The following CREBBP variants were observed in gnomAD, a reference collection of about 807,000 sequenced individuals.
CREBBP encodes CREB-binding protein.
In CREBBP, 19 loss-of-function variants were observed where a neutral mutation model predicts 265.0. The ratio of observed to expected loss-of-function variants is 0.07; its 90% CI spans 0.05 to 0.11. The LOEUF is 0.11. Ranked by LOEUF, CREBBP falls within the 10% of genes least tolerant of loss-of-function variation. The probability of loss-of-function intolerance (pLI) is 1.00; values close to 1 mark genes in which losing one functional copy is unlikely to be tolerated. For missense variants in CREBBP, 2,525 were observed against 3,219.0 expected, an observed-to-expected ratio of 0.78 and a Z score of 5.22; for synonymous variants, 1,457 against 1,223.7, an observed-to-expected ratio of 1.19 and a Z score of -3.98.
intron 2 of CREBBP, among the ~76,000 whole-genome samples, chr16:3,815,245 A>G (rs562328618): frequency 1.3e-5 from 2 of 152,108 alleles, no homozygotes; most frequent in Non-Finnish European, 2.9e-5. Context: ...CCCAACAGGT[A>G]CTTGATAATA....
intron 23 of CREBBP, among the ~76,000 whole-genome samples, chr16:3,744,064 G>A (rs1284725558): frequency 1.3e-5 from 2 of 152,074 alleles, no homozygotes; most frequent in East Asian, 3.9e-4. Context: ...GACAGAGCGA[G>A]AATGTCTCAA....
At chr16:3,804,899 T>G (rs1034017412) in intron 3 of CREBBP, among the ~76,000 whole-genome samples, 3 of 152,264 alleles carry the variant, frequency 2.0e-5, no homozygotes, top group African/African-American at 7.2e-5. Flanking sequence ...GAAAAGATAC[T>G]GCTGGTTAAT....
intron 20 of CREBBP, among the ~76,000 whole-genome samples, chr16:3,751,453 A>T (rs1368204870): frequency 6.6e-6 from 1 of 152,128 alleles, no homozygotes; most frequent in South Asian, 2.1e-4. Flanking sequence ...TTAGCTGGGT[A>T]TGGTGGCGTG....
chr16:3,797,761 T>C (rs557306705), intron 3 of CREBBP, among the ~76,000 whole-genome samples: 2 of 152,000 alleles, frequency 1.3e-5, no homozygotes, highest in South Asian at 4.2e-4. Context: ...TTGATCCTTA[T>C]CTTCCCTTTT....
chr16:3,785,928 C>G (rs115252502), intron 5 of CREBBP, among the ~76,000 whole-genome samples: 8 of 152,212 alleles, frequency 5.3e-5, no homozygotes, highest in Non-Finnish European at 2.9e-5. Context: ...CCCAACATCC[C>G]CTAGTCTCAC....
At chr16:3,827,775 C>CT (rs1244107135) in intron 2 of CREBBP, among the ~76,000 whole-genome samples, 1 of 152,064 alleles carries the variant, frequency 6.6e-6, no homozygotes, top group African/African-American at 2.4e-5. Flanking sequence ...ACTACAGCCC[C>CT]GGCCTCCTGA....
At chr16:3,782,523 T>C (rs1228458005) in intron 6 of CREBBP, among the ~76,000 whole-genome samples, 161 bp downstream of exon 6, 1 of 152,268 alleles carries the variant, frequency 6.6e-6, no homozygotes, top group African/African-American at 2.4e-5. Context: ...TGTAACATTT[T>C]CCTTGCATCA....
intron 13 of CREBBP, among the ~76,000 whole-genome samples, chr16:3,773,285 A>C (rs1312149963): frequency 6.6e-6 from 1 of 152,258 alleles, no homozygotes; most frequent in Admixed American, 6.5e-5. Context: ...ACATTTAACA[A>C]GAAGGGAACT....
intron 5 of CREBBP, chr16:3,791,320 T>A (rs1192347587): frequency 6.5e-6 from 1 of 153,756 alleles, no homozygotes; most frequent in Non-Finnish European, 1.4e-5. Context: ...GATCGCTGCG[T>A]AACCAGCCGT....
intron 12 of CREBBP, 55 bp from the exon 13 acceptor site, chr16:3,773,985 T>G: frequency 6.3e-7 from 1 of 1,591,180 alleles, no homozygotes; most frequent in Non-Finnish European, 8.6e-7. Context: ...CGGCCAGAGT[T>G]TTCAAGGTGA....
intron 21 of CREBBP, among the ~76,000 whole-genome samples, chr16:3,747,381 A>T (rs1039367744): frequency 3.3e-5 from 5 of 152,226 alleles, no homozygotes; most frequent in Non-Finnish European, 7.3e-5. Context: ...TTGTAGTTTT[A>T]TTGAGCAACC....
chr16:3,798,209 A>G (rs1377265793), intron 3 of CREBBP, among the ~76,000 whole-genome samples: 1 of 152,256 alleles, frequency 6.6e-6, no homozygotes, highest in Non-Finnish European at 1.5e-5. Context: ...TCAACGTAAG[A>G]GTGACAATCG....
intron 16 of CREBBP, chr16:3,761,479 C>T: frequency 2.0e-6 from 1 of 507,840 alleles, no homozygotes; most frequent in Non-Finnish European, 3.9e-6. Flanking sequence ...GAAGGAAAAA[C>T]CCATGTGTTT....
intron 23 of CREBBP, chr16:3,741,729 C>T (rs534068428): frequency 2.0e-5 from 3 of 152,004 alleles, no homozygotes; most frequent in Non-Finnish European, 4.4e-5. Context: ...CACCTGAGGT[C>T]AGGAGTTCGA....
chr16:3,732,017 G>T, intron 28 of CREBBP, 80 bp from the exon 29 acceptor site: 1 of 1,610,572 alleles, frequency 6.2e-7, no homozygotes, highest in African/African-American at 1.3e-5. Flanking sequence ...CAGGCCGTGG[G>T]CATCAGGAAG....
intron 19 of CREBBP, among the ~76,000 whole-genome samples, chr16:3,752,088 C>T (rs1036223772): frequency 1.3e-5 from 2 of 152,104 alleles, no homozygotes; most frequent in Non-Finnish European, 1.5e-5. Flanking sequence ...GATTAGCATT[C>T]GGTCTCATTG....
At chr16:3,831,768 A>G (rs968586485) in intron 2 of CREBBP, among the ~76,000 whole-genome samples, 15 of 152,112 alleles carry the variant, frequency 9.9e-5, no homozygotes, top group African/African-American at 3.1e-4. Context: ...AGGCTGAGGC[A>G]GGCGGATCAC....
chr16:3,843,364 G>A (rs1321269461), intron 2 of CREBBP, among the ~76,000 whole-genome samples: 1 of 150,604 alleles, frequency 6.6e-6, no homozygotes, highest in Non-Finnish European at 1.5e-5. Context: ...TGACCTAAGA[G>A]ACTACTAAAA....
rs903304610 is a variant in CREBBP at position 3,726,195 on chromosome 16, G to A, written c.*1523C>T. Reference sequence around the variant, plus strand: ...TTGGGGGGAAGTCAGAAAGCACCTCGCGAGCCTGGAGCACTCTCTGCCTCA... The same window carrying A: ...TTGGGGGGAAGTCAGAAAGCACCTCACGAGCCTGGAGCACTCTCTGCCTCA... On this transcript the variant is annotated 3_prime_UTR_variant, in exon 31 of 31. Transcript: ENST00000262367. 4.9e-5 allele frequency: 11 copies of A among 226,544 alleles called. No individual in the cohort carries two copies. The highest frequency in any genetic ancestry group is 7.9e-5 in the Non-Finnish European group (9 of 113,938). 14.0% of individuals were successfully genotyped at this position (226,544 alleles called of 1,614,324 possible).
Sources: allele counts gnomAD v4.1 joint callset (sites outside exome capture counted in the v4.1 genomes callset), GRCh38; gene constraint gnomAD v4.1.1; transcripts MANE v1.5; gene names NCBI Gene and HGNC (gene_info 2026-07-23, HGNC 2026-07-21).